ETFA: variants seen among roughly 807,000 people sequenced by gnomAD.
ETFA encodes the protein electron transfer flavoprotein subunit alpha, also known as electron transfer flavoprotein subunit alpha, mitochondrial.
In ETFA, 22 loss-of-function variants were observed where a neutral mutation model predicts 46.2. The observed-to-expected ratio is 0.48, with a 90% CI of 0.34 to 0.68. ETFA has a LOEUF of 0.68. ETFA is among the 30% of genes least tolerant of loss of function. The probability of loss-of-function intolerance (pLI) is 0.01; values close to 1 mark genes in which losing one functional copy is unlikely to be tolerated. For missense variants in ETFA, 345 were observed against 401.1 expected, an observed-to-expected ratio of 0.86 and a Z score of 1.19; for synonymous variants, 131 against 139.9, an observed-to-expected ratio of 0.94 and a Z score of 0.45.
intron 7 of ETFA, among the ~76,000 whole-genome samples, chr15:76,285,140 A>T (rs755706801): frequency 1.3e-5 from 2 of 152,228 alleles, no homozygotes; most frequent in Non-Finnish European, 2.9e-5. Context: ...AAAGACAAGG[A>T]GCATGATGTA....
chr15:76,272,334 T>G (rs2039544598), intron 9 of ETFA, among the ~76,000 whole-genome samples: 1 of 151,828 alleles, frequency 6.6e-6, no homozygotes, highest in African/African-American at 2.4e-5. Context: ...AATTCTCCTG[T>G]TTCAACCCCC....
At chr15:76,243,816 C>CA (rs199573968) in intron 9 of ETFA, among the ~76,000 whole-genome samples, 1,001 of 100,084 alleles carry the variant, frequency 0.01, 6 homozygotes, top group African/African-American at 0.017. Context: ...CAAAAACAAA[C>CA]AAACAAAAAA....
chr15:76,231,666 T>G (rs1482048780), intron 9 of ETFA, among the ~76,000 whole-genome samples: 2 of 152,186 alleles, frequency 1.3e-5, no homozygotes, highest in African/African-American at 4.8e-5. Flanking sequence ...GACACAGTGT[T>G]AAGCATTTTA....
At chr15:76,228,754 T>G (rs1170087039) in intron 10 of ETFA, 1 of 150,160 alleles carries the variant, frequency 6.7e-6, no homozygotes, top group African/African-American at 2.6e-5. Context: ...ATTATTACTT[T>G]TTTTTTTTTT....
intron 1 of ETFA, among the ~76,000 whole-genome samples, chr15:76,299,580 C>T (rs1194500931): frequency 2.6e-5 from 4 of 152,096 alleles, no homozygotes; most frequent in African/African-American, 9.7e-5. Context: ...ACTGTGCCTG[C>T]CTCCTGATGT....
At chr15:76,281,425 A>G (rs1012614926) in intron 8 of ETFA, among the ~76,000 whole-genome samples, 1 of 149,944 alleles carries the variant, frequency 6.7e-6, no homozygotes, top group Non-Finnish European at 1.5e-5. Context: ...ACGACTCTCT[A>G]ACATTTTTTT....
At chr15:76,227,486 A>C (rs7178169) in intron 10 of ETFA, among the ~76,000 whole-genome samples, 78 of 125,180 alleles carry the variant, frequency 6.2e-4, no homozygotes, top group African/African-American at 2.3e-3. Context: ...ACCGTATGTT[A>C]GCATGGGTGA....
At chr15:76,284,803 G>A (rs2039690660) in intron 7 of ETFA, 2 of 282,292 alleles carry the variant, frequency 7.1e-6, no homozygotes, top group South Asian at 2.8e-5. Flanking sequence ...AGTGGCACAT[G>A]CCTGTAATCC....
At chr15:76,226,281 A>AT (rs2039003523) in intron 10 of ETFA, 1 of 237,060 alleles carries the variant, frequency 4.2e-6, no homozygotes, top group Non-Finnish European at 8.2e-6. Context: ...TTCATTTATT[A>AT]TTTTAAAATT....
At chr15:76,265,827 A>G (rs2039465311) in intron 9 of ETFA, among the ~76,000 whole-genome samples, 1 of 152,182 alleles carries the variant, frequency 6.6e-6, no homozygotes, top group Admixed American at 6.5e-5. Flanking sequence ...CTAGGAAAAA[A>G]CAAAAATGGC....
At chr15:76,239,716 A>G (rs2039165412) in intron 9 of ETFA, among the ~76,000 whole-genome samples, 1 of 151,790 alleles carries the variant, frequency 6.6e-6, no homozygotes, top group South Asian at 2.1e-4. Flanking sequence ...CACAAAGTAT[A>G]TTTATCTTAG....
intron 8 of ETFA, among the ~76,000 whole-genome samples, chr15:76,277,445 C>T (rs868529301): frequency 6.6e-6 from 1 of 151,812 alleles, no homozygotes; most frequent in Non-Finnish European, 1.5e-5. Context: ...AGGTAAAATT[C>T]ACAAAAATGT....
intron 10 of ETFA, chr15:76,228,213 G>T (rs1212673882): frequency 2.8e-6 from 1 of 352,506 alleles, no homozygotes; most frequent in Non-Finnish European, 5.5e-6. Context: ...TTGAGACAGG[G>T]TCTCATTGTG....
At chr15:76,264,564 G>A (rs184866013) in intron 9 of ETFA, among the ~76,000 whole-genome samples, 31 of 152,312 alleles carry the variant, frequency 2.0e-4, no homozygotes, top group Non-Finnish European at 3.2e-4. Context: ...CCAAGAGGCT[G>A]TGGCTGTATA....
At position 76,215,381 on chromosome 15, in the gene ETFA, CTGAT is replaced by C. The variant is rs2038888063; in HGVS notation, c.*1174_*1177del. The stretch of plus-strand genomic sequence containing the variant: ...AACTTTTAAAAGTGTTTTATAGCAA[CTGAT>C]TGTGACACAAATCAGAAAGGGTTCA... On this transcript the variant is annotated 3_prime_UTR_variant, in exon 12 of 12. Coordinates refer to ENST00000557943, the MANE Select transcript of ETFA (RefSeq NM_000126.4). The C allele has an allele frequency of 6.6e-6, 1 of 152,210 alleles. No individual in the cohort carries two copies. The highest frequency in any genetic ancestry group is 1.9e-4 in the East Asian group (1 of 5,194). The allele number at this position is 152,210 out of a possible 1,614,324, so 9.4% of individuals were successfully genotyped here.
At chr15:76,236,395 G>A (rs1211127833) in intron 9 of ETFA, among the ~76,000 whole-genome samples, 1 of 152,168 alleles carries the variant, frequency 6.6e-6, no homozygotes, top group Non-Finnish European at 1.5e-5. Flanking sequence ...TATATTTCAA[G>A]TACCCAATAA....
intron 11 of ETFA, among the ~76,000 whole-genome samples, chr15:76,221,242 A>G (rs2038953511): frequency 6.6e-6 from 1 of 152,282 alleles, no homozygotes; most frequent in South Asian, 2.1e-4. Context: ...CACATATTAC[A>G]TAATTCAATT....
chr15:76,225,729 A>G (rs766843748), intron 11 of ETFA, 120 bp downstream of exon 11: 41 of 783,174 alleles, frequency 5.2e-5, no homozygotes, highest in Non-Finnish European at 9.0e-5. Flanking sequence ...AACAGTATAC[A>G]TACAAACACA....
At chr15:76,295,302 T>C (rs2039806548) in intron 2 of ETFA, among the ~76,000 whole-genome samples, 1 of 152,236 alleles carries the variant, frequency 6.6e-6, no homozygotes, top group African/African-American at 2.4e-5. Flanking sequence ...AGATCAGCTA[T>C]TAACCTCTAA....
Sources: allele counts gnomAD v4.1 joint callset (sites outside exome capture counted in the v4.1 genomes callset), GRCh38; gene constraint gnomAD v4.1.1; transcripts MANE v1.5; gene names NCBI Gene and HGNC (gene_info 2026-07-23, HGNC 2026-07-21).